The following SHC4 variants were observed in gnomAD, a reference collection of about 807,000 sequenced individuals.
SHC4 encodes the protein SHC-transforming protein 4.
SHC4 carries 41 observed loss-of-function variants against 69.4 expected under a neutral mutation model. The ratio of observed to expected loss-of-function variants is 0.59; its 90% CI spans 0.46 to 0.77. SHC4 has a LOEUF of 0.77. Among genes scored for constraint, SHC4 ranks in the 30% least tolerant of loss-of-function variants. The pLI is 0.00. For synonymous variants in SHC4, 318 were observed against 299.3 expected, an observed-to-expected ratio of 1.06 and a Z score of -0.64; for missense variants, 777 against 783.8, an observed-to-expected ratio of 0.99 and a Z score of 0.10.
chr15:48,913,738 A>G (rs1900556675), intron 2 of SHC4, among the ~76,000 whole-genome samples: 1 of 152,082 alleles, frequency 6.6e-6, no homozygotes, highest in Admixed American at 6.5e-5. Flanking sequence ...CCAGGCAGGA[A>G]TGACCTGCTA....
chr15:48,838,938 T>C (rs901503128), intron 10 of SHC4, among the ~76,000 whole-genome samples: 1 of 151,846 alleles, frequency 6.6e-6, no homozygotes, highest in Non-Finnish European at 1.5e-5. Flanking sequence ...TTAAAAAATA[T>C]AATAGATGTT....
chr15:48,917,105 G>A (rs567912542), intron 2 of SHC4, among the ~76,000 whole-genome samples: 6 of 152,180 alleles, frequency 3.9e-5, no homozygotes, highest in South Asian at 4.2e-4. Context: ...CTCCTTCAGC[G>A]TTTGATGCAG....
At chr15:48,921,817 A>C (rs1209273466) in intron 2 of SHC4, among the ~76,000 whole-genome samples, 2 of 152,362 alleles carry the variant, frequency 1.3e-5, no homozygotes, top group East Asian at 3.9e-4. Flanking sequence ...TTTTACCATG[A>C]TAAAACATGC....
At chr15:48,945,266 G>A (rs1296987270) in intron 1 of SHC4, among the ~76,000 whole-genome samples, 2 of 151,838 alleles carry the variant, frequency 1.3e-5, no homozygotes, top group East Asian at 1.9e-4. Context: ...CAGACTTCAG[G>A]GGCAACCAAC....
intron 2 of SHC4, among the ~76,000 whole-genome samples, chr15:48,891,837 TTTTTGTTTTG>T (rs559222582): frequency 2.3e-4 from 35 of 152,098 alleles, no homozygotes; most frequent in African/African-American, 6.7e-4. Flanking sequence ...TGCAGACCCA[TTTTTGTTTTG>T]TTTTGTTTTG....
intron 10 of SHC4, among the ~76,000 whole-genome samples, chr15:48,840,360 T>G (rs867574085): frequency 6.6e-6 from 1 of 152,178 alleles, no homozygotes; most frequent in Non-Finnish European, 1.5e-5. Context: ...GAATAAAGAT[T>G]GTGTCAGAAC....
intron 2 of SHC4, among the ~76,000 whole-genome samples, chr15:48,893,457 G>A (rs1206393239): frequency 6.6e-6 from 1 of 152,172 alleles, no homozygotes; most frequent in East Asian, 1.9e-4. Flanking sequence ...TAGCCAATAT[G>A]TAGACAAGTG....
At chr15:48,923,194 G>T (rs1900781969) in intron 2 of SHC4, among the ~76,000 whole-genome samples, 1 of 152,134 alleles carries the variant, frequency 6.6e-6, no homozygotes, top group Admixed American at 6.5e-5. Context: ...ACATTTCATG[G>T]AACCCTAGGA....
At chr15:48,890,947 C>T (rs1900125574) in intron 2 of SHC4, 136 bp from the exon 3 acceptor site, 4 of 902,136 alleles carry the variant, frequency 4.4e-6, no homozygotes, top group South Asian at 1.5e-5. Flanking sequence ...GGTATTCTCC[C>T]AGCCCCACAG....
intron 4 of SHC4, 55 bp from the exon 5 acceptor site, chr15:48,872,197 TAC>T: frequency 8.9e-7 from 1 of 1,118,372 alleles, no homozygotes; most frequent in East Asian, 2.7e-5. Flanking sequence ...TCTAGTTATA[TAC>T]AGTCTAACAG....
intron 10 of SHC4, among the ~76,000 whole-genome samples, chr15:48,842,042 T>A (rs573820914): frequency 6.6e-6 from 1 of 152,228 alleles, no homozygotes; most frequent in African/African-American, 2.4e-5. Context: ...CTCTCCATCA[T>A]TGGAGCAAAC....
At chr15:48,934,247 CAAAT>C (rs1901026054) in intron 1 of SHC4, among the ~76,000 whole-genome samples, 1 of 152,032 alleles carries the variant, frequency 6.6e-6, no homozygotes, top group African/African-American at 2.4e-5. Context: ...GATAAAAAGA[CAAAT>C]AACCCAATTT....
rs1567054232 is a variant in SHC4 at position 48,857,728 on chromosome 15, T to C, written c.1034A>G (p.Tyr345Cys). ...GQAFELRFKQ[Y>C]LKNPSLNTSC... is the part of the protein sequence containing the mutation. The stretch of plus-strand genomic sequence containing the variant: ...AGTATTCAAAGAAGGATTTTTCAAG[T>C]ACTGTTTAAACCGGAGTTCAAAAGC... Residue 345 changes from tyrosine (Y) to cysteine (C), a missense_variant, in exon 7 of 12, where the codon TAC (tyrosine) becomes TGC (cysteine). Transcript: ENST00000332408. 5 of 1,604,380 alleles carry C rather than the reference T, an allele frequency of 3.1e-6. No homozygotes were observed. Among genetic ancestry groups the C allele is most frequent in the Non-Finnish European group, 4.3e-6 (5 of 1,174,498 alleles).
At chr15:48,827,860 G>A (rs1176991517) in intron 11 of SHC4, among the ~76,000 whole-genome samples, 1 of 152,100 alleles carries the variant, frequency 6.6e-6, no homozygotes, top group African/African-American at 2.4e-5. Context: ...CTGGGCCTCT[G>A]CTCTGCATGA....
Position 48,962,414 on chromosome 15 carries a change from G to C in SHC4, c.585+17C>G, listed in dbSNP as rs1370181528. On this transcript the variant is annotated intron_variant, in intron 1 of 11. Coordinates refer to ENST00000332408, the MANE Select transcript of SHC4 (RefSeq NM_203349.4). ...TCCACGGAAGTTCTTAGAGGGCAGA[G>C]AGGAAAATGGACTTACCCTCACACA... 6.6e-7 allele frequency: 1 copy of C among 1,512,906 alleles called. No homozygotes were observed. Among genetic ancestry groups the C allele is most frequent in the African/African-American group, 1.4e-5 (1 of 71,696 alleles). 93.7% of individuals were successfully genotyped at this position (1,512,906 alleles called of 1,614,324 possible). A position where few individuals can be genotyped will look rare whatever the true frequency, so the allele number is the denominator to read the frequency against.
At chr15:48,953,974 A>C (rs1010403766) in intron 1 of SHC4, among the ~76,000 whole-genome samples, 4 of 152,238 alleles carry the variant, frequency 2.6e-5, no homozygotes, top group Non-Finnish European at 5.9e-5. Flanking sequence ...GAAAATGAGA[A>C]GATGTAGAAG....
intron 1 of SHC4, among the ~76,000 whole-genome samples, chr15:48,941,522 T>C (rs1251387052): frequency 6.6e-6 from 1 of 152,136 alleles, no homozygotes; most frequent in Non-Finnish European, 1.5e-5. Context: ...GATTTGAGCA[T>C]GTTTATTGAT....
At chr15:48,847,388 T>A (rs1199610092) in intron 9 of SHC4, among the ~76,000 whole-genome samples, 1 of 152,176 alleles carries the variant, frequency 6.6e-6, no homozygotes, top group African/African-American at 2.4e-5. Context: ...TTATTCTATT[T>A]TGCTAATTAT....
intron 1 of SHC4, among the ~76,000 whole-genome samples, chr15:48,942,210 C>T (rs1401606020): frequency 6.6e-6 from 1 of 152,082 alleles, no homozygotes; most frequent in Admixed American, 6.6e-5. Flanking sequence ...TTCATAAAAA[C>T]TTTGTGATGG....
Sources: gnomAD v4.1 joint callset for allele counts (sites outside exome capture counted in the v4.1 genomes callset) on GRCh38, gnomAD v4.1.1 for gene constraint, MANE v1.5 for transcripts, NCBI Gene and HGNC (gene_info 2026-07-23, HGNC 2026-07-21) for gene names.